Variants in PCCA observed in about 807,000 individuals in gnomAD.
PCCA encodes the protein propionyl-CoA carboxylase subunit alpha.
A neutral mutation model predicts 101.3 loss-of-function variants in PCCA; 74 were observed. The observed-to-expected ratio is 0.73, with a 90% CI of 0.61 to 0.89. PCCA has a LOEUF of 0.89. Ranked by LOEUF, PCCA falls within the 40% of genes least tolerant of loss-of-function variation. The probability of loss-of-function intolerance (pLI) is 0.00; values close to 1 mark genes in which losing one functional copy is unlikely to be tolerated. For missense variants in PCCA, 891 were observed against 907.0 expected, an observed-to-expected ratio of 0.98 and a Z score of 0.23; for synonymous variants, 294 against 313.6, an observed-to-expected ratio of 0.94 and a Z score of 0.66.
intron 8 of PCCA, among the ~76,000 whole-genome samples, chr13:100,252,786 T>C (rs1357991478): frequency 6.6e-6 from 1 of 152,202 alleles, no homozygotes; most frequent in Non-Finnish European, 1.5e-5. Flanking sequence ...ACTCTAGTCT[T>C]TGTCTTTCTC....
At chr13:100,335,396 G>A (rs957526757) in intron 17 of PCCA, among the ~76,000 whole-genome samples, 4 of 152,182 alleles carry the variant, frequency 2.6e-5, no homozygotes, top group African/African-American at 9.7e-5. Flanking sequence ...ATTCTTAACT[G>A]ACTTAGTAAC....
At chr13:100,306,987 C>G (rs555561824) in intron 14 of PCCA, among the ~76,000 whole-genome samples, 25 of 152,068 alleles carry the variant, frequency 1.6e-4, no homozygotes, top group Admixed American at 9.2e-4. Context: ...TTTTTAGTTT[C>G]GTCATTCAGT....
chr13:100,204,400 A>G (rs2058729905), intron 6 of PCCA, among the ~76,000 whole-genome samples: 1 of 152,182 alleles, frequency 6.6e-6, no homozygotes, highest in Non-Finnish European at 1.5e-5. Flanking sequence ...TCGGCCTCCC[A>G]AAGTGCTGAG....
intron 19 of PCCA, among the ~76,000 whole-genome samples, chr13:100,424,048 G>T (rs950679835): frequency 6.6e-5 from 10 of 152,160 alleles, no homozygotes; most frequent in African/African-American, 1.9e-4. Flanking sequence ...CAGATATTTG[G>T]GGGAGCGGGG....
At chr13:100,333,415 G>C (rs1294532746) in intron 17 of PCCA, among the ~76,000 whole-genome samples, 1 of 152,128 alleles carries the variant, frequency 6.6e-6, no homozygotes, top group African/African-American at 2.4e-5. Context: ...TTTTATGACT[G>C]CATTAAAATT....
rs371558665 is a variant in PCCA at position 100,437,755 on chromosome 13, G to C, written c.1846-11497G>C. Among the ~76,000 whole-genome samples, 139 of 152,082 alleles carry C rather than the reference G, an allele frequency of 9.1e-4. 1 individual carries two copies. The highest frequency in any genetic ancestry group is 3.0e-3 in the African/African-American group (125 of 41,496). ...ACAATCTCAGTTCACTGCAACCTCCGCCTCCCAGACTCAAGCAATTCTTCT... is the reference window on the plus strand; with the variant it reads ...ACAATCTCAGTTCACTGCAACCTCCCCCTCCCAGACTCAAGCAATTCTTCT... On this transcript the variant is annotated intron_variant, in intron 20 of 23. Transcript: ENST00000376285.
At position 100,220,164 on chromosome 13, in the gene PCCA, T is replaced by C. The variant is rs181493162; in HGVS notation, c.600+10701T>C. 6.4e-4 allele frequency among the ~76,000 whole-genome samples: 98 copies of C among 152,332 alleles called. 1 individual carries two copies. The highest frequency in any genetic ancestry group is 3.9e-3 in the Admixed American group (59 of 15,300). Reference sequence around the variant, plus strand: ...GTCTGCAAGGGGCTTATCCTTCGTCTGCTAGAACAACTGAATTAGAGTTAC... The same window carrying C: ...GTCTGCAAGGGGCTTATCCTTCGTCCGCTAGAACAACTGAATTAGAGTTAC... On this transcript the variant is annotated intron_variant, in intron 7 of 23. Transcript: ENST00000376285.
rs899376462 is a variant in PCCA, at chr13:100,505,635, C to T, written c.1900-9792C>T. Among the ~76,000 whole-genome samples the T allele has an allele frequency of 1.2e-4, 18 of 152,286 alleles. No individual in the cohort carries two copies. In the East Asian group the frequency reaches 2.3e-3, roughly 20 times the overall value. On this transcript the variant is annotated intron_variant, in intron 21 of 23. Transcript: ENST00000376285. ...ATCCCAGCACTCTGGGAACCTGGGG[C>T]GGGCGGATCCCTTGAGCCCAGGAGT...
In PCCA at chr13:100,530,217, AT is replaced by A. The variant is rs1465138423; in HGVS notation, c.*52del. On this transcript the variant is annotated 3_prime_UTR_variant, in exon 24 of 24. Transcript: ENST00000376285. ...CCCAATTTAATTAGCCATTTGCATG[AT>A]GCTTTCACACACAATTGATTCAAGC... 7.4e-7 allele frequency: 1 copy of A among 1,350,082 alleles called. No individual in the cohort carries two copies. The highest frequency in any genetic ancestry group is 1.7e-5 in the Admixed American group (1 of 59,268). 83.6% of individuals were successfully genotyped at this position (1,350,082 alleles called of 1,614,324 possible).
At chr13:100,266,040 G>C (rs996800602) in intron 10 of PCCA, among the ~76,000 whole-genome samples, 1 of 152,166 alleles carries the variant, frequency 6.6e-6, no homozygotes, top group Non-Finnish European at 1.5e-5. Context: ...ATTTAAATCT[G>C]TAATTTAAGG....
intron 19 of PCCA, among the ~76,000 whole-genome samples, chr13:100,393,033 T>C (rs1315952416): frequency 3.9e-5 from 6 of 152,210 alleles, no homozygotes; most frequent in Non-Finnish European, 5.9e-5. Flanking sequence ...TCTTCTGCCA[T>C]GGGAAGAAAC....
chr13:100,336,117 C>T (rs938238974), intron 17 of PCCA, among the ~76,000 whole-genome samples: 1 of 152,056 alleles, frequency 6.6e-6, no homozygotes, highest in Non-Finnish European at 1.5e-5. Flanking sequence ...ACAAAATTAG[C>T]CGGGCATGGT....
intron 21 of PCCA, among the ~76,000 whole-genome samples, chr13:100,488,284 G>C (rs759458646): frequency 6.6e-6 from 1 of 151,970 alleles, no homozygotes; most frequent in Non-Finnish European, 1.5e-5. Context: ...GTAGAGACAG[G>C]GTTTCTCCAT....
chr13:100,169,229 G>T (rs535283015), intron 6 of PCCA, among the ~76,000 whole-genome samples: 1 of 152,116 alleles, frequency 6.6e-6, no homozygotes, highest in East Asian at 2.0e-4. Context: ...ATCACCTGAG[G>T]TCAGCAGTTT....
intron 4 of PCCA, among the ~76,000 whole-genome samples, chr13:100,143,054 C>T (rs2052086286): frequency 6.6e-6 from 1 of 152,186 alleles, no homozygotes; most frequent in African/African-American, 2.4e-5. Flanking sequence ...AGTTGAGATA[C>T]AGGTACCCTT....
chr13:100,301,548 A>G lies in PCCA; in HGVS notation c.1154A>G (p.Lys385Arg), dbSNP rs192543675. 27 of 1,614,100 alleles carry G rather than the reference A, an allele frequency of 1.7e-5. No homozygotes were observed. In the Admixed American group the frequency reaches 3.0e-4, roughly 18 times the overall value. The stretch of plus-strand genomic sequence containing the variant: ...GCTAAGGGCTACCCTCTCAGGCACA[A>G]ACAAGCTGATATTCGCATCAACGGC... ...RVAKGYPLRH[K>R]QADIRINGWA... is the part of the protein sequence containing the mutation. The change falls in exon 13 of 24, where the codon AAA becomes AGA. Residue 385 changes from lysine (K) to arginine (R), a missense_variant. Physicochemically the swap from Lys to Arg is conservative, Grantham distance 26. Coordinates refer to ENST00000376285, the MANE Select transcript of PCCA (RefSeq NM_000282.4).
At chr13:100,098,921 T>C (rs2047016430) in intron 1 of PCCA, among the ~76,000 whole-genome samples, 1 of 152,182 alleles carries the variant, frequency 6.6e-6, no homozygotes, top group African/African-American at 2.4e-5. Flanking sequence ...ATTAAGTGTC[T>C]TCAGAGAAGG....
chr13:100,498,051 G>A (rs2085399034), intron 21 of PCCA, among the ~76,000 whole-genome samples: 1 of 151,408 alleles, frequency 6.6e-6, no homozygotes, highest in Non-Finnish European at 1.5e-5. Flanking sequence ...TTTTTTTGTA[G>A]AGACAAGGTC....
At chr13:100,160,377 C>T (rs2054327002) in intron 6 of PCCA, among the ~76,000 whole-genome samples, 1 of 151,984 alleles carries the variant, frequency 6.6e-6, no homozygotes, top group African/African-American at 2.4e-5. Context: ...GTGGCACGAG[C>T]CTTTGATCCC....
Sources: allele counts gnomAD v4.1 joint callset (sites outside exome capture counted in the v4.1 genomes callset), GRCh38; gene constraint gnomAD v4.1.1; transcripts MANE v1.5; gene names NCBI Gene and HGNC (gene_info 2026-07-23, HGNC 2026-07-21).